FRMD3: variants seen among roughly 807,000 people sequenced by gnomAD.
The protein encoded by FRMD3 is FERM domain containing 3.
Under a neutral mutation model 70.2 loss-of-function variants are expected in FRMD3, and 33 were observed. The observed-to-expected ratio is 0.47, with a 90% CI of 0.36 to 0.63. The LOEUF (loss-of-function observed/expected upper bound fraction) is 0.63, where lower values mean the gene tolerates loss of function less well. Among genes scored for constraint, FRMD3 ranks in the 20% least tolerant of loss-of-function variants. The pLI is 0.00. For synonymous variants in FRMD3, 279 were observed against 255.9 expected, an observed-to-expected ratio of 1.09 and a Z score of -0.86; for missense variants, 632 against 711.4, an observed-to-expected ratio of 0.89 and a Z score of 1.27.
chr9:83,290,759 T>C, intron 12 of FRMD3, 32 bp from the exon 13 acceptor site: 2 of 1,569,694 alleles, frequency 1.3e-6, no homozygotes, highest in Non-Finnish European at 1.7e-6. Flanking sequence ...ACAGAGTTGG[T>C]TTCCATCACA....
chr9:83,553,659 T>C, the FRMD3 span, among the ~76,000 whole-genome samples: 5,531 of 152,314 alleles, frequency 0.036, 346 homozygotes, highest in African/African-American at 0.13. Context: ...CTGCTGCTAA[T>C]ACTTGTGATG....
At chr9:83,440,040 C>T (rs1485584543) in intron 1 of FRMD3, among the ~76,000 whole-genome samples, 1 of 152,160 alleles carries the variant, frequency 6.6e-6, no homozygotes, top group Non-Finnish European at 1.5e-5. Context: ...TGACAATAGC[C>T]ATTACAAAAA....
chr9:83,323,540 G>A (rs1050335563), intron 6 of FRMD3, among the ~76,000 whole-genome samples: 6 of 152,114 alleles, frequency 3.9e-5, no homozygotes, highest in African/African-American at 7.2e-5. Flanking sequence ...TCAGTTTGCC[G>A]TGCTCATGCC....
chr9:83,468,436 G>T (rs537048765), intron 1 of FRMD3, among the ~76,000 whole-genome samples: 1 of 152,314 alleles, frequency 6.6e-6, no homozygotes, highest in South Asian at 2.1e-4. Flanking sequence ...GATTTCAGAA[G>T]CAAATGATTC....
chr9:83,538,024 C>T lies in FRMD3; in HGVS notation c.147+61G>A. The T allele has an allele frequency of 3.2e-6, 5 of 1,580,722 alleles. No individual in the cohort carries two copies. Among genetic ancestry groups the T allele is most frequent in the Non-Finnish European group, 4.3e-6 (5 of 1,159,178 alleles). On this transcript the variant is annotated intron_variant, in intron 1 of 13. Coordinates refer to ENST00000304195, the MANE Select transcript of FRMD3 (RefSeq NM_174938.6). The surrounding 1 kb of genome is among the most constrained non-coding windows in gnomAD (Gnocchi z 4.7). ...GTTCCTTGTTCTCGCATGCCCACCG[C>T]AAAGGCCCCCCGCCCTGCTCCCGGC...
At chr9:83,472,139 C>T (rs957481180) in intron 1 of FRMD3, among the ~76,000 whole-genome samples, 1 of 152,116 alleles carries the variant, frequency 6.6e-6, no homozygotes, top group Non-Finnish European at 1.5e-5. Flanking sequence ...GAACTCACCG[C>T]TCAGATTTTA....
chr9:83,285,300 G>A (rs973465293), intron 13 of FRMD3, among the ~76,000 whole-genome samples: 1 of 152,126 alleles, frequency 6.6e-6, no homozygotes, highest in Non-Finnish European at 1.5e-5. Context: ...AGGGTGGCTT[G>A]TGAGAGTTAG....
At chr9:83,492,765 C>T (rs116976001) in intron 1 of FRMD3, among the ~76,000 whole-genome samples, 2,166 of 152,296 alleles carry the variant, frequency 0.014, 24 homozygotes, top group Middle Eastern at 0.034. Context: ...TTGCATGGGT[C>T]TCCTGGCCTC....
At chr9:83,437,900 G>C (rs141315079) in intron 1 of FRMD3, among the ~76,000 whole-genome samples, 1 of 152,202 alleles carries the variant, frequency 6.6e-6, no homozygotes, top group Non-Finnish European at 1.5e-5. Flanking sequence ...CTAAGTGAGC[G>C]AAGCAGGGGG....
intron 13 of FRMD3, among the ~76,000 whole-genome samples, chr9:83,282,648 A>T (rs1371220509): frequency 6.6e-6 from 1 of 152,120 alleles, no homozygotes; most frequent in African/African-American, 2.4e-5. Flanking sequence ...GGATGAGGAA[A>T]ATGAAGCTCT....
chr9:83,371,595 C>T (rs1443632216), intron 3 of FRMD3, among the ~76,000 whole-genome samples: 2 of 152,328 alleles, frequency 1.3e-5, no homozygotes, highest in South Asian at 2.1e-4. Flanking sequence ...GGATTACAGG[C>T]GTGAGCCTGG....
the FRMD3 span, among the ~76,000 whole-genome samples, chr9:83,547,037 G>A: frequency 6.6e-6 from 1 of 151,464 alleles, no homozygotes; most frequent in Non-Finnish European, 1.5e-5. Flanking sequence ...CTGTGCAAAT[G>A]GAAATCAAAA....
chr9:83,405,006 A>T (rs1048237717), intron 1 of FRMD3, among the ~76,000 whole-genome samples: 1 of 152,180 alleles, frequency 6.6e-6, no homozygotes, highest in African/African-American at 2.4e-5. Context: ...TCCAGTTCTC[A>T]TGTTATCTAG....
chr9:83,293,573 T>C (rs1834533099), intron 12 of FRMD3, among the ~76,000 whole-genome samples: 1 of 152,202 alleles, frequency 6.6e-6, no homozygotes, highest in Non-Finnish European at 1.5e-5. Context: ...ATACCAAGCA[T>C]CCTGCTGCCC....
the FRMD3 span, among the ~76,000 whole-genome samples, chr9:83,581,638 T>C: frequency 6.6e-6 from 1 of 152,176 alleles, no homozygotes. Context: ...AAAATGTATG[T>C]CCACACAAAA....
chr9:83,578,097 C>CACAA, the FRMD3 span, among the ~76,000 whole-genome samples: 66 of 151,558 alleles, frequency 4.4e-4, no homozygotes, highest in African/African-American at 1.5e-3. Context: ...AATTTCTAGA[C>CACAA]ACAAACGGCC....
chr9:83,410,530 C>G (rs1057187229), intron 1 of FRMD3, among the ~76,000 whole-genome samples: 5 of 152,174 alleles, frequency 3.3e-5, no homozygotes, highest in Non-Finnish European at 7.3e-5. Flanking sequence ...ACCACATTTT[C>G]TTTATCCGCT....
chr9:83,529,338 C>T (rs1468894826), intron 1 of FRMD3, among the ~76,000 whole-genome samples: 1 of 152,096 alleles, frequency 6.6e-6, no homozygotes, highest in Non-Finnish European at 1.5e-5. Flanking sequence ...CAAAATGGAT[C>T]AAATATGGGA....
intron 1 of FRMD3, among the ~76,000 whole-genome samples, chr9:83,505,420 A>G (rs189102975): frequency 3.3e-5 from 5 of 152,322 alleles, no homozygotes. Context: ...TGAGGCCACC[A>G]GATTGGCAGC....
Sources: gnomAD v4.1 joint callset for allele counts (sites outside exome capture counted in the v4.1 genomes callset) on GRCh38, gnomAD v4.1.1 for gene constraint, Gnocchi (gnomAD v3.1) non-coding constraint, MANE v1.5 for transcripts, NCBI Gene and HGNC (gene_info 2026-07-23, HGNC 2026-07-21) for gene names.